The following IPP variants were observed in gnomAD, a reference collection of about 807,000 sequenced individuals.
IPP encodes actin-binding protein IPP.
IPP carries 41 observed loss-of-function variants against 64.1 expected under a neutral mutation model. That is an observed-to-expected ratio of 0.64 (90% CI 0.50 to 0.83). IPP has a LOEUF of 0.83. Ranked by LOEUF, IPP falls within the 40% of genes least tolerant of loss-of-function variation. The pLI is 0.00. For missense variants in IPP, 649 were observed against 703.0 expected (o/e 0.92, Z 0.87); for synonymous variants, 214 against 235.2 (o/e 0.91, Z 0.83).
chr1:45,739,381 A>G (rs1179083140), intron 3 of IPP, among the ~76,000 whole-genome samples: 1 of 146,662 alleles, frequency 6.8e-6, no homozygotes, highest in Non-Finnish European at 1.5e-5. Context: ...CTATAAGTGC[A>G]TGCCACCGTG....
At chr1:45,728,173 T>TGTGTGTG (rs1645858765) in intron 4 of IPP, among the ~76,000 whole-genome samples, 4 of 142,314 alleles carry the variant, frequency 2.8e-5, no homozygotes, top group African/African-American at 5.5e-5. Flanking sequence ...TGTGTGTGTG[T>TGTGTGTG]TTGAGGCAGG....
intron 5 of IPP, among the ~76,000 whole-genome samples, chr1:45,719,901 A>G (rs997905910): frequency 6.6e-6 from 1 of 151,288 alleles, no homozygotes; most frequent in African/African-American, 2.4e-5. Flanking sequence ...AATTTTTTGT[A>G]TTTTTAGTAG....
chr1:45,743,741 T>C (rs572904080), intron 2 of IPP, among the ~76,000 whole-genome samples: 1 of 151,704 alleles, frequency 6.6e-6, no homozygotes, highest in Admixed American at 6.6e-5. Context: ...CTGGGCACAG[T>C]GGCTCTCCCC....
At position 45,699,122 on chromosome 1, in the gene IPP, T is replaced by C; in HGVS notation, c.*844A>G. 1 of 985,360 alleles carries C rather than the reference T, an allele frequency of 1.0e-6. No homozygotes were observed. The highest frequency in any genetic ancestry group is 1.2e-6 in the Non-Finnish European group (1 of 829,900). 61.0% of individuals were successfully genotyped at this position (985,360 alleles called of 1,614,324 possible). A position where few individuals can be genotyped will look rare whatever the true frequency, so the allele number is the denominator to read the frequency against. Reference sequence around the variant, plus strand: ...TAAGAACCTCCTATTAATTCCTTACTTGCATTCTCAGGATCAAGACAAAAA... The same window carrying C: ...TAAGAACCTCCTATTAATTCCTTACCTGCATTCTCAGGATCAAGACAAAAA... On this transcript the variant is annotated 3_prime_UTR_variant, in exon 9 of 9. Coordinates refer to ENST00000396478, the MANE Select transcript of IPP (RefSeq NM_005897.3).
rs1276636325 is a variant in IPP at position 45,720,422 on chromosome 1, TA to T, written c.1049-1083del. 4.0e-5 allele frequency among the ~76,000 whole-genome samples: 6 copies of T among 151,826 alleles called. No homozygotes were observed. In the South Asian group the frequency reaches 8.3e-4, roughly 21 times the overall value. On this transcript the variant is annotated intron_variant, in intron 5 of 8. Transcript: ENST00000396478. ...AATGTATCATGAAGATTTTTGTATT[TA>T]AAAAAAAGAGTCAATGTAAAGATGA...
rs1184836612 is a variant in IPP, at chr1:45,741,871, G to A, written c.293-539C>T. On this transcript the variant is annotated intron_variant, in intron 2 of 8. Transcript: ENST00000396478. ...TCTCGATCTCCTGACCTTGTGATCC[G>A]CCCGCCTCGGCCTCCCAAAGTGCTG... 2.7e-4 allele frequency among the ~76,000 whole-genome samples: 21 copies of A among 78,142 alleles called. 3 individuals carry two copies. Among genetic ancestry groups the A allele is most frequent in the Middle Eastern group, 7.2e-3 (1 of 138 alleles). 51.3% of individuals were successfully genotyped at this position (78,142 alleles called of 152,430 possible). A position where few individuals can be genotyped will look rare whatever the true frequency, so the allele number is the denominator to read the frequency against.
intron 8 of IPP, among the ~76,000 whole-genome samples, chr1:45,709,309 T>A (rs975202916): frequency 2.0e-5 from 3 of 150,802 alleles, no homozygotes; most frequent in African/African-American, 7.3e-5. Context: ...AGCATGTGCC[T>A]GTAGTCCCAG....
chr1:45,740,458 C>G (rs1249078359), intron 3 of IPP, among the ~76,000 whole-genome samples: 1 of 151,904 alleles, frequency 6.6e-6, no homozygotes, highest in East Asian at 1.9e-4. Flanking sequence ...GGGGCTGAAC[C>G]CCCCATCTCC....
At chr1:45,744,779 CAGTGAGCCG>C (rs908143736) in intron 2 of IPP, among the ~76,000 whole-genome samples, 6 of 151,050 alleles carry the variant, frequency 4.0e-5, no homozygotes, top group Middle Eastern at 3.2e-3. Context: ...GCGGAGGTTG[CAGTGAGCCG>C]AGACCACGCC....
intron 2 of IPP, among the ~76,000 whole-genome samples, chr1:45,742,922 C>A (rs187422903): frequency 6.7e-4 from 100 of 149,420 alleles, no homozygotes; most frequent in Admixed American, 2.6e-3. Context: ...GCTTCACTTT[C>A]TTTTTTTTAT....
chr1:45,711,254 T>C (rs1208248015), intron 8 of IPP, among the ~76,000 whole-genome samples: 11 of 151,430 alleles, frequency 7.3e-5, no homozygotes, highest in Non-Finnish European at 7.4e-5. Context: ...AGGCAGGGAA[T>C]TGCTTGAACC....
At chr1:45,707,147 G>A (rs1488360919) in intron 8 of IPP, among the ~76,000 whole-genome samples, 1 of 152,168 alleles carries the variant, frequency 6.6e-6, no homozygotes, top group Non-Finnish European at 1.5e-5. Flanking sequence ...CTTTAGGCTG[G>A]GCACAGTGGC....
At chr1:45,723,680 T>C (rs1645762812) in intron 5 of IPP, among the ~76,000 whole-genome samples, 1 of 152,154 alleles carries the variant, frequency 6.6e-6, no homozygotes, top group Admixed American at 6.6e-5. Flanking sequence ...TAATAAACAG[T>C]TCTGAGTTAT....
Position 45,698,788 on chromosome 1 carries a change from G to GT in IPP, c.*1177_*1178insA. 2.0e-6 allele frequency: 1 copy of GT among 502,352 alleles called. No individual in the cohort carries two copies. Among genetic ancestry groups the GT allele is most frequent in the Non-Finnish European group, 2.5e-6 (1 of 400,446 alleles). The allele number at this position is 502,352 out of a possible 1,614,324, so 31.1% of individuals were successfully genotyped here. Reference sequence around the variant, plus strand: ...GGCCGGTGTGCAGTGGCACAATCTTGGCTCACTGCAGCCTTGACCTCCTGG... The same window carrying GT: ...GGCCGGTGTGCAGTGGCACAATCTTGTGCTCACTGCAGCCTTGACCTCCTGG... On this transcript the variant is annotated 3_prime_UTR_variant, in exon 9 of 9. Transcript: ENST00000396478.
intron 8 of IPP, among the ~76,000 whole-genome samples, chr1:45,711,753 C>CAAAAAA (rs751563608): frequency 1.9e-5 from 1 of 53,502 alleles, no homozygotes; most frequent in Non-Finnish European, 3.9e-5. Flanking sequence ...GACTCTGTCA[C>CAAAAAA]AAAAAAAAAA....
intron 7 of IPP, among the ~76,000 whole-genome samples, chr1:45,716,084 T>C: frequency 6.6e-6 from 1 of 152,156 alleles, no homozygotes; most frequent in East Asian, 1.9e-4. Flanking sequence ...ACTACCTACC[T>C]CTCAAGAGTA....
chr1:45,743,139 T>G (rs1646088535), intron 2 of IPP, among the ~76,000 whole-genome samples: 1 of 151,494 alleles, frequency 6.6e-6, no homozygotes, highest in African/African-American at 2.4e-5. Flanking sequence ...GGTTTCACCA[T>G]GTTGGTCAGG....
In IPP at chr1:45,714,397, G is replaced by A. The variant is rs1055433032; in HGVS notation, c.1379C>T (p.Pro460Leu). ...IELRSFEVYD[P>L]LSKRWSPLPP... The stretch of plus-strand genomic sequence containing the variant: ...AAGTGGAGACCAACGCTTAGAAAGT[G>A]GATCATAGACTTCAAAAGAACGAAG... Residue 460 changes from proline (P) to leucine (L), a missense_variant, in exon 8 of 9, where the codon CCA (proline) becomes CTA (leucine). Pro to Leu is a moderately conservative substitution (Grantham distance 98, BLOSUM62 -3). Coordinates refer to ENST00000396478, the MANE Select transcript of IPP (RefSeq NM_005897.3). 2 of 1,614,000 alleles carry A rather than the reference G, an allele frequency of 1.2e-6. No homozygotes were observed. The highest frequency in any genetic ancestry group is 1.7e-6 in the Non-Finnish European group (2 of 1,179,850).
At chr1:45,719,016 G>A (rs557511639) in intron 6 of IPP, among the ~76,000 whole-genome samples, 187 bp downstream of exon 6, 96 of 151,996 alleles carry the variant, frequency 6.3e-4, no homozygotes, top group Admixed American at 4.3e-3. Context: ...TAACTGGATT[G>A]TTTGTAACAT....
Sources: gnomAD v4.1 joint callset for allele counts (sites outside exome capture counted in the v4.1 genomes callset) on GRCh38, gnomAD v4.1.1 for gene constraint, MANE v1.5 for transcripts, NCBI Gene and HGNC (gene_info 2026-07-23, HGNC 2026-07-21) for gene names.